The following PCDH11X variants were observed in gnomAD, a reference collection of about 807,000 sequenced individuals.
PCDH11X encodes the protein protocadherin 11 X-linked, also known as protocadherin-11 X-linked.
A neutral mutation model predicts 53.3 loss-of-function variants in PCDH11X; 18 were observed. The ratio of observed to expected loss-of-function variants is 0.34; its 90% CI spans 0.23 to 0.50. PCDH11X has a LOEUF of 0.50. Ranked by LOEUF, PCDH11X falls within the 20% of genes least tolerant of loss-of-function variation. The pLI, the probability that PCDH11X is intolerant of heterozygous loss-of-function variation, is 0.98. For synonymous variants in PCDH11X, 279 were observed against 393.3 expected, an observed-to-expected ratio of 0.71 and a Z score of 3.44; for missense variants, 570 against 1,032.4, an observed-to-expected ratio of 0.55 and a Z score of 6.14.
intron 7 of PCDH11X, among the ~76,000 whole-genome samples, chrX:92,229,032 G>A (rs1033512883): frequency 6.3e-5 from 7 of 111,480 alleles, no homozygotes; most frequent in East Asian, 5.7e-4. Flanking sequence ...ATTAAAAATC[G>A]CAAATCTCCT....
intron 6 of PCDH11X, among the ~76,000 whole-genome samples, chrX:92,196,321 T>C (rs2066291329): frequency 8.9e-6 from 1 of 112,120 alleles, no homozygotes; most frequent in African/African-American, 3.2e-5. Flanking sequence ...TATTTATCCT[T>C]ACTATAAGCA....
intron 6 of PCDH11X, among the ~76,000 whole-genome samples, chrX:92,096,454 G>GTT (rs1229850589): frequency 9.2e-6 from 1 of 109,009 alleles, no homozygotes; most frequent in Non-Finnish European, 1.9e-5. Context: ...GTGTGTGTGT[G>GTT]TGTGTGTGTG....
At chrX:92,203,842 A>G (rs984647521) in intron 7 of PCDH11X, among the ~76,000 whole-genome samples, 1 of 111,915 alleles carries the variant, frequency 8.9e-6, no homozygotes, top group African/African-American at 3.3e-5. Flanking sequence ...CAGTTTACCA[A>G]TCCGGGTGGT....
chrX:91,972,180 G>A (rs1229510392), intron 6 of PCDH11X, among the ~76,000 whole-genome samples: 1 of 103,029 alleles, frequency 9.7e-6, no homozygotes, highest in Non-Finnish European at 2.0e-5. Context: ...GTTTTGATTT[G>A]CATTTCTCTG....
At chrX:92,595,120 A>C (rs1925457511) in intron 10 of PCDH11X, among the ~76,000 whole-genome samples, 1 of 109,923 alleles carries the variant, frequency 9.1e-6, no homozygotes. Context: ...ATGAAATGGC[A>C]TACTTTTAGA....
intron 6 of PCDH11X, among the ~76,000 whole-genome samples, chrX:92,038,362 G>A (rs1395153866): frequency 1.8e-5 from 2 of 110,523 alleles, no homozygotes; most frequent in Non-Finnish European, 3.8e-5. Flanking sequence ...GGTGCCCTAT[G>A]TCCCAGGAGC....
At chrX:91,974,445 A>G (rs1036771121) in intron 6 of PCDH11X, among the ~76,000 whole-genome samples, 5 of 111,911 alleles carry the variant, frequency 4.5e-5, no homozygotes, top group Non-Finnish European at 9.4e-5. Context: ...TGGAGCCCAC[A>G]TTTAATGTGG....
At chrX:91,836,616 G>T (rs1386912813) in intron 5 of PCDH11X, among the ~76,000 whole-genome samples, 1 of 110,852 alleles carries the variant, frequency 9.0e-6, no homozygotes, top group Non-Finnish European at 1.9e-5. Flanking sequence ...ATCAAATTGA[G>T]ATTAAATTTT....
chrX:92,275,257 T>G (rs768308903), intron 8 of PCDH11X, among the ~76,000 whole-genome samples: 40 of 103,476 alleles, frequency 3.9e-4, no homozygotes, highest in African/African-American at 1.3e-3. Context: ...CTGACCGCAC[T>G]AACCATGCCT....
At chrX:92,214,367 G>A (rs1382139796) in intron 7 of PCDH11X, among the ~76,000 whole-genome samples, 3 of 112,019 alleles carry the variant, frequency 2.7e-5, no homozygotes, top group Non-Finnish European at 1.9e-5. Context: ...GATACTCATG[G>A]TTAGGCAACC....
At chrX:92,232,557 G>A (rs1361669495) in intron 7 of PCDH11X, among the ~76,000 whole-genome samples, 1 of 111,929 alleles carries the variant, frequency 8.9e-6, no homozygotes, top group Non-Finnish European at 1.9e-5. Flanking sequence ...ACATAGTTGT[G>A]TGGTCTCATG....
intron 9 of PCDH11X, among the ~76,000 whole-genome samples, chrX:92,452,979 T>C (rs1394920006): frequency 1.1e-5 from 1 of 89,518 alleles, no homozygotes; most frequent in Non-Finnish European, 2.1e-5. Flanking sequence ...CAAGTTACCT[T>C]GCATTCTTAG....
intron 6 of PCDH11X, among the ~76,000 whole-genome samples, chrX:91,958,263 G>A (rs1194144481): frequency 8.9e-6 from 1 of 112,103 alleles, no homozygotes; most frequent in Non-Finnish European, 1.9e-5. Flanking sequence ...AACTTGTGAG[G>A]TAACAGGAAG....
At chrX:92,002,558 G>A (rs1210587724) in intron 6 of PCDH11X, among the ~76,000 whole-genome samples, 1 of 110,051 alleles carries the variant, frequency 9.1e-6, no homozygotes, top group African/African-American at 3.3e-5. Context: ...ATTTATTGGT[G>A]CACTCTTCAA....
At chrX:92,271,871 C>T (rs773405021) in intron 8 of PCDH11X, among the ~76,000 whole-genome samples, 2 of 111,770 alleles carry the variant, frequency 1.8e-5, no homozygotes, top group South Asian at 3.8e-4. Context: ...TCTTTATTAT[C>T]CTAAAGACAA....
intron 6 of PCDH11X, among the ~76,000 whole-genome samples, chrX:91,989,526 G>A (rs1466096652): frequency 7.3e-5 from 8 of 109,579 alleles, no homozygotes; most frequent in African/African-American, 2.0e-4. Flanking sequence ...TCGTGCCACC[G>A]CACTCCAACC....
chrX:92,055,188 G>A (rs1226735338), intron 6 of PCDH11X, among the ~76,000 whole-genome samples: 1 of 35,311 alleles, frequency 2.8e-5, no homozygotes, highest in East Asian at 7.5e-4. Context: ...CCTGGATAAT[G>A]TGCCTGAATA....
chrX:92,440,549 C>T (rs1323496913), intron 9 of PCDH11X, among the ~76,000 whole-genome samples: 1 of 108,504 alleles, frequency 9.2e-6, no homozygotes, highest in Non-Finnish European at 1.9e-5. Flanking sequence ...CTCATGAGAT[C>T]TGATGGTTTT....
At chrX:92,561,622 T>TA (rs925303896) in intron 10 of PCDH11X, among the ~76,000 whole-genome samples, 53 of 107,396 alleles carry the variant, frequency 4.9e-4, no homozygotes, top group Non-Finnish European at 8.3e-4. Flanking sequence ...CAAAAAGAAT[T>TA]AAAAAAAACA....
Sources: gnomAD v4.1 joint callset for allele counts (sites outside exome capture counted in the v4.1 genomes callset) on GRCh38, gnomAD v4.1.1 for gene constraint, MANE v1.5 for transcripts, NCBI Gene and HGNC (gene_info 2026-07-23, HGNC 2026-07-21) for gene names.